Variants in COL8A1 observed in about 807,000 individuals in gnomAD.
The protein encoded by COL8A1 is collagen alpha-1(VIII) chain.
In COL8A1, 21 loss-of-function variants were observed where a neutral mutation model predicts 42.7. The ratio of observed to expected loss-of-function variants is 0.49; its 90% confidence interval spans 0.35 to 0.71. The LOEUF is 0.71. Ranked by LOEUF, COL8A1 falls within the 30% of genes least tolerant of loss-of-function variation. The pLI, the probability that COL8A1 is intolerant of heterozygous loss-of-function variation, is 0.01. For synonymous variants in COL8A1, 367 were observed against 369.1 expected (o/e 0.99, Z 0.06); for missense variants, 788 against 962.4 (o/e 0.82, Z 2.40).
rs572675743 is a variant in COL8A1 at position 99,725,239 on chromosome 3, C to G, written c.-128-19658C>G. 6.6e-5 allele frequency among the ~76,000 whole-genome samples: 10 copies of G among 152,090 alleles called. No homozygotes were observed. In the East Asian group the frequency reaches 1.7e-3, roughly 27 times the overall value. On this transcript the variant is annotated intron_variant, in intron 1 of 3. Coordinates refer to ENST00000652472, the MANE Select transcript of COL8A1 (RefSeq NM_020351.4). ...GAGTTGGATTCTCACCGAACTCTCC[C>G]TGGACAGCAGGACATTGCTGAGTTC... is the stretch of plus-strand genomic sequence containing the variant.
rs575056157 is a variant in COL8A1 at position 99,767,309 on chromosome 3, A to T, written c.-4+22288A>T. Among the ~76,000 whole-genome samples the T allele has an allele frequency of 2.1e-3, 324 of 152,308 alleles. 3 individuals carry two copies. The highest frequency in any genetic ancestry group is 7.5e-3 in the African/African-American group (313 of 41,564). On this transcript the variant is annotated intron_variant, in intron 2 of 3. Transcript: ENST00000652472. ...GACACAAGGTTTTCATTTAATATTT[A>T]ACTTTGGCCCAGAGACATTTTTAAG...
At chr3:99,707,698 G>A (rs1939720650) in intron 1 of COL8A1, among the ~76,000 whole-genome samples, 1 of 152,150 alleles carries the variant, frequency 6.6e-6, no homozygotes, top group African/African-American at 2.4e-5. Context: ...TGCAGAAAGT[G>A]CCATCTAGTA....
At chr3:99,723,611 C>T (rs1940218650) in intron 1 of COL8A1, among the ~76,000 whole-genome samples, 1 of 152,094 alleles carries the variant, frequency 6.6e-6, no homozygotes, top group South Asian at 2.1e-4. Flanking sequence ...TATGAAATTT[C>T]TCTGGCAGGC....
At chr3:99,639,461 G>A (rs1937459788) in intron 1 of COL8A1, among the ~76,000 whole-genome samples, 1 of 152,192 alleles carries the variant, frequency 6.6e-6, no homozygotes, top group African/African-American at 2.4e-5. Context: ...ACACCAGATG[G>A]TTGTAAAGAA....
chr3:99,760,030 T>C (rs1452887092), intron 2 of COL8A1, among the ~76,000 whole-genome samples: 1 of 152,158 alleles, frequency 6.6e-6, no homozygotes, highest in Non-Finnish European at 1.5e-5. Flanking sequence ...GGCCTAGGAA[T>C]TGCTGCTATA....
At chr3:99,644,657 T>C (rs1221674154) in intron 1 of COL8A1, among the ~76,000 whole-genome samples, 2 of 152,218 alleles carry the variant, frequency 1.3e-5, no homozygotes, top group African/African-American at 4.8e-5. Flanking sequence ...TGTGAAAACA[T>C]TCTTTTAAGT....
intron 1 of COL8A1, among the ~76,000 whole-genome samples, chr3:99,657,974 A>G (rs1222903393): frequency 6.6e-6 from 1 of 152,028 alleles, no homozygotes; most frequent in Non-Finnish European, 1.5e-5. Flanking sequence ...TAAAAATACA[A>G]AAATTAGCCG....
intron 1 of COL8A1, among the ~76,000 whole-genome samples, chr3:99,724,466 CTGT>C (rs1940244817): frequency 1.3e-5 from 2 of 152,100 alleles, no homozygotes. Context: ...CCATACCAGG[CTGT>C]TAAATCTCAG....
rs139304710 is a variant in COL8A1, at chr3:99,732,787, C to A, written c.-128-12110C>A. Among the ~76,000 whole-genome samples the A allele has an allele frequency of 2.5e-3, 378 of 152,232 alleles. 2 individuals are homozygous for A. Among genetic ancestry groups the A allele is most frequent in the Non-Finnish European group, 3.3e-3 (224 of 68,012 alleles). On this transcript the variant is annotated intron_variant, in intron 1 of 3. Transcript: ENST00000652472. Reference sequence around the variant, plus strand: ...CCAGCAGTAACTCAAAAGTCCAAGTCCAAAGTCTCATCTAAGACAAGGCAA... The same window carrying A: ...CCAGCAGTAACTCAAAAGTCCAAGTACAAAGTCTCATCTAAGACAAGGCAA...
At chr3:99,665,848 A>ATTT (rs537279334) in intron 1 of COL8A1, among the ~76,000 whole-genome samples, 2 of 134,282 alleles carry the variant, frequency 1.5e-5, no homozygotes, top group South Asian at 4.8e-4. Flanking sequence ...CACTTAGCTA[A>ATTT]TTTTTTTTTT....
At chr3:99,686,516 G>A (rs756191241) in intron 1 of COL8A1, among the ~76,000 whole-genome samples, 5 of 152,102 alleles carry the variant, frequency 3.3e-5, no homozygotes, top group Non-Finnish European at 5.9e-5. Context: ...GAAGAACAGT[G>A]AAGATTCAGT....
At chr3:99,746,451 C>T (rs1402348331) in intron 2 of COL8A1, among the ~76,000 whole-genome samples, 1 of 152,094 alleles carries the variant, frequency 6.6e-6, no homozygotes, top group African/African-American at 2.4e-5. Context: ...ATTGTTGCAA[C>T]CAGTGATAGG....
intron 2 of COL8A1, among the ~76,000 whole-genome samples, chr3:99,757,446 C>T (rs1364953100): frequency 6.6e-6 from 1 of 152,144 alleles, no homozygotes; most frequent in Admixed American, 6.6e-5. Flanking sequence ...TCTTCATACT[C>T]TTTGCTGGGG....
At position 99,796,804 on chromosome 3, in the gene COL8A1, T is replaced by G. The variant is rs1330843519; in HGVS notation, c.*668T>G. 1.3e-5 allele frequency: 2 copies of G among 152,220 alleles called. No individual in the cohort carries two copies. The highest frequency in any genetic ancestry group is 2.9e-5 in the Non-Finnish European group (2 of 68,052). 9.4% of individuals were successfully genotyped at this position (152,220 alleles called of 1,614,324 possible). ...GGTGAACCAATCGGCCTTTGTGAAT[T>G]TATTCAGTGCCTTCTCTGTACCAAG... On this transcript the variant is annotated 3_prime_UTR_variant, in exon 4 of 4. Coordinates refer to ENST00000652472, the MANE Select transcript of COL8A1 (RefSeq NM_020351.4).
chr3:99,742,957 A>G (rs889407951), intron 1 of COL8A1, among the ~76,000 whole-genome samples: 1 of 152,230 alleles, frequency 6.6e-6, no homozygotes, highest in African/African-American at 2.4e-5. Context: ...CCATGAGGGA[A>G]GAGTGGAATC....
intron 1 of COL8A1, among the ~76,000 whole-genome samples, chr3:99,725,543 C>T (rs180787147): frequency 1.5e-3 from 228 of 148,150 alleles, no homozygotes; most frequent in Non-Finnish European, 2.8e-3. Flanking sequence ...TTAGGTATAT[C>T]GCCTAATGCT....
chr3:99,669,686 C>T (rs980419225), intron 1 of COL8A1, among the ~76,000 whole-genome samples: 5 of 151,986 alleles, frequency 3.3e-5, no homozygotes, highest in African/African-American at 9.7e-5. Flanking sequence ...TACATAATAA[C>T]CATATAAGTC....
In COL8A1 at chr3:99,790,554, C is replaced by T. The variant is rs755818910; in HGVS notation, c.-3-126C>T. On this transcript the variant is annotated intron_variant, in intron 2 of 3. Transcript: ENST00000652472. ...AAGTAGCATTTTCCTTTTCATTTGA[C>T]TTCTATCATGAAGTTCTGATGTTAA... 3.2e-5 allele frequency: 23 copies of T among 714,306 alleles called. 1 individual carries two copies. Among genetic ancestry groups the T allele is most frequent in the Non-Finnish European group, 4.4e-5 (19 of 431,716 alleles). The allele number at this position is 714,306 out of a possible 1,614,324, so 44.2% of individuals were successfully genotyped here. A position where few individuals can be genotyped will look rare whatever the true frequency, so the allele number is the denominator to read the frequency against.
intron 2 of COL8A1, among the ~76,000 whole-genome samples, chr3:99,757,857 C>T (rs1576465259): frequency 6.6e-6 from 1 of 152,148 alleles, no homozygotes; most frequent in Non-Finnish European, 1.5e-5. Context: ...TTAGAGGCTA[C>T]TGTCACTCAG....
Sources: gnomAD v4.1 joint callset for allele counts (sites outside exome capture counted in the v4.1 genomes callset) on GRCh38, gnomAD v4.1.1 for gene constraint, MANE v1.5 for transcripts, NCBI Gene and HGNC (gene_info 2026-07-23, HGNC 2026-07-21) for gene names.